Variants in ELMO1 observed in about 807,000 individuals in gnomAD.
ELMO1 encodes engulfment and cell motility protein 1.
Under a neutral mutation model 98.9 loss-of-function variants are expected in ELMO1, and 26 were observed. The observed-to-expected ratio is 0.26, with a 90% CI of 0.19 to 0.36. The LOEUF (loss-of-function observed/expected upper bound fraction) is 0.36. Ranked by LOEUF, ELMO1 falls within the 10% of genes least tolerant of loss-of-function variation. The probability of loss-of-function intolerance (pLI) is 1.00; values close to 1 mark genes in which losing one functional copy is unlikely to be tolerated. For missense variants in ELMO1, 627 were observed against 935.2 expected (o/e 0.67, Z 4.30); for synonymous variants, 346 against 346.0 (o/e 1.00, Z 0.00).
intron 15 of ELMO1, among the ~76,000 whole-genome samples, chr7:37,016,340 G>C (rs569872177): frequency 9.2e-5 from 14 of 152,218 alleles, no homozygotes; most frequent in African/African-American, 3.1e-4. Context: ...TGGAAGGTAG[G>C]CCTTATGGAC....
At position 37,096,742 on chromosome 7, in the gene ELMO1, G is replaced by A; in HGVS notation, c.1192-15C>T. 1 of 1,604,142 alleles carries A rather than the reference G, an allele frequency of 6.2e-7. No individual in the cohort carries two copies. The highest frequency in any genetic ancestry group is 1.1e-5 in the South Asian group (1 of 90,896). ...TCAAGCACAATCTGTAATGGGAAAG[G>A]GAACAGATTAGAAAGGAAATTCAAT... On this transcript the variant is annotated splice_polypyrimidine_tract_variant and intron_variant, in intron 14 of 21. Transcript: ENST00000310758.
At chr7:36,991,689 G>A (rs1791887909) in intron 16 of ELMO1, among the ~76,000 whole-genome samples, 2 of 152,256 alleles carry the variant, frequency 1.3e-5, no homozygotes, top group South Asian at 4.1e-4. Context: ...ATCCTGAGCA[G>A]AATGTGCAAA....
chr7:37,123,192 C>T (rs147082939), intron 14 of ELMO1, among the ~76,000 whole-genome samples: 131 of 152,156 alleles, frequency 8.6e-4, no homozygotes, highest in African/African-American at 2.2e-3. Flanking sequence ...AGGAAAGATC[C>T]AAAATTGACA....
chr7:36,983,960 T>TTTA (rs1374624218), intron 16 of ELMO1, among the ~76,000 whole-genome samples: 2 of 140,324 alleles, frequency 1.4e-5, no homozygotes, highest in Non-Finnish European at 3.0e-5. Flanking sequence ...GAACTACTGT[T>TTTA]TTAGATTTTT....
At chr7:37,312,580 C>CT (rs1374847456) in intron 4 of ELMO1, among the ~76,000 whole-genome samples, 1 of 152,190 alleles carries the variant, frequency 6.6e-6, no homozygotes, top group African/African-American at 2.4e-5. Flanking sequence ...CCCACTCACT[C>CT]TGAGTCTCTG....
chr7:37,088,505 A>G (rs1239989896), intron 15 of ELMO1, among the ~76,000 whole-genome samples: 3 of 152,254 alleles, frequency 2.0e-5, no homozygotes, highest in Non-Finnish European at 4.4e-5. Context: ...TTAACAAAGC[A>G]CTTTAACTAA....
At chr7:37,049,398 A>G (rs1040147963) in intron 15 of ELMO1, among the ~76,000 whole-genome samples, 3 of 152,182 alleles carry the variant, frequency 2.0e-5, no homozygotes, top group Non-Finnish European at 4.4e-5. Context: ...TTCGAAACCA[A>G]TTAAAACTAT....
chr7:37,063,460 T>A, intron 15 of ELMO1, among the ~76,000 whole-genome samples: 1 of 152,268 alleles, frequency 6.6e-6, no homozygotes, highest in East Asian at 1.9e-4. Context: ...TTAAAAAAAA[T>A]TATAAGATAG....
intron 15 of ELMO1, among the ~76,000 whole-genome samples, chr7:37,018,595 G>A (rs1351100164): frequency 6.6e-6 from 1 of 151,990 alleles, no homozygotes; most frequent in Non-Finnish European, 1.5e-5. Context: ...TCCTGCCTCA[G>A]CCTCCCAAAT....
chr7:37,412,988 C>T (rs2131503113), intron 1 of ELMO1, among the ~76,000 whole-genome samples: 1 of 152,290 alleles, frequency 6.6e-6, no homozygotes, highest in African/African-American at 2.4e-5. Context: ...GCCAGAACCA[C>T]CTGGCTAAGC....
chr7:37,362,771 C>T (rs191788987), intron 1 of ELMO1, among the ~76,000 whole-genome samples: 1 of 152,186 alleles, frequency 6.6e-6, no homozygotes, highest in Non-Finnish European at 1.5e-5. Flanking sequence ...TTGTGGTACA[C>T]CTTTACACCA....
intron 5 of ELMO1, among the ~76,000 whole-genome samples, chr7:37,268,653 G>A (rs539144494): frequency 6.6e-6 from 1 of 152,274 alleles, no homozygotes; most frequent in Non-Finnish European, 1.5e-5. Flanking sequence ...AGAAAGATAC[G>A]CTTGTTTAAC....
intron 4 of ELMO1, among the ~76,000 whole-genome samples, chr7:37,290,166 T>C (rs1302341038): frequency 6.6e-6 from 1 of 152,210 alleles, no homozygotes; most frequent in Non-Finnish European, 1.5e-5. Flanking sequence ...AATTAACTGA[T>C]ATTAAGAGAC....
rs535741353 is a variant in ELMO1 at position 37,204,593 on chromosome 7, C to T, written c.1086+6793G>A. Among the ~76,000 whole-genome samples the T allele has an allele frequency of 7.9e-5, 12 of 152,242 alleles. No homozygotes were observed. In the South Asian group the frequency reaches 8.3e-4, roughly 11 times the overall value. ...ATGGAAGGCGACCCAAAGGGGTTGC[C>T]GCTGCTGGCGCAGGTGGCCTGCTTT... is the stretch of plus-strand genomic sequence containing the variant. On this transcript the variant is annotated intron_variant, in intron 13 of 21. Coordinates refer to ENST00000310758, the MANE Select transcript of ELMO1 (RefSeq NM_014800.11).
At chr7:37,321,767 G>C (rs1283284442) in intron 2 of ELMO1, among the ~76,000 whole-genome samples, 1 of 144,560 alleles carries the variant, frequency 6.9e-6, no homozygotes, top group Admixed American at 6.8e-5. Context: ...AAAGCCCCAG[G>C]AGAAAAATTA....
chr7:37,372,508 C>T (rs1007193489), intron 1 of ELMO1, among the ~76,000 whole-genome samples: 1 of 152,184 alleles, frequency 6.6e-6, no homozygotes, highest in Non-Finnish European at 1.5e-5. Context: ...CAAAGTCAAG[C>T]AGGTCAAAAT....
chr7:36,887,058 T>C (rs1805071328), intron 18 of ELMO1, among the ~76,000 whole-genome samples: 1 of 152,196 alleles, frequency 6.6e-6, no homozygotes, highest in Admixed American at 6.5e-5. Context: ...CCTGGAGCTG[T>C]GGAGTTTGAA....
At chr7:37,149,968 G>A (rs944848355) in intron 13 of ELMO1, among the ~76,000 whole-genome samples, 2 of 152,052 alleles carry the variant, frequency 1.3e-5, no homozygotes, top group African/African-American at 4.8e-5. Context: ...ATGTTATGTT[G>A]AAAGGAATGT....
At chr7:37,073,390 G>T (rs1407868064) in intron 15 of ELMO1, among the ~76,000 whole-genome samples, 1 of 152,144 alleles carries the variant, frequency 6.6e-6, no homozygotes, top group Non-Finnish European at 1.5e-5. Flanking sequence ...CAGATAATGT[G>T]AGGATACAAA....
Sources: gnomAD v4.1 joint callset for allele counts (sites outside exome capture counted in the v4.1 genomes callset) on GRCh38, gnomAD v4.1.1 for gene constraint, MANE v1.5 for transcripts, NCBI Gene and HGNC (gene_info 2026-07-23, HGNC 2026-07-21) for gene names.